Variants in DUSP22 observed in about 807,000 individuals in gnomAD.
The protein encoded by DUSP22 is dual specificity protein phosphatase 22.
A neutral mutation model predicts 24.5 loss-of-function variants in DUSP22; 24 were observed. That is an observed-to-expected ratio of 0.98 (90% CI 0.71 to 1.38). The LOEUF is 1.38. DUSP22 is among the 40% of genes most tolerant of loss of function. The pLI, the probability that DUSP22 is intolerant of heterozygous loss-of-function variation, is 0.00. For synonymous variants in DUSP22, 160 were observed against 106.4 expected (o/e 1.50, Z -3.10); for missense variants, 330 against 269.2 (o/e 1.23, Z -1.58).
intron 4 of DUSP22, among the ~76,000 whole-genome samples, chr6:341,458 C>T (rs546391009): frequency 2.6e-4 from 39 of 152,414 alleles, no homozygotes; most frequent in African/African-American, 9.4e-4. Context: ...CTGTCATCAG[C>T]TTCCCTGGAA....
chr6:349,063 G>C lies in DUSP22; in HGVS notation c.*112G>C, dbSNP rs1688870993. The C allele has an allele frequency of 1.2e-5, 18 of 1,483,924 alleles. No individual in the cohort carries two copies. Among genetic ancestry groups the C allele is most frequent in the Non-Finnish European group, 1.4e-5 (16 of 1,117,152 alleles). The allele number at this position is 1,483,924 out of a possible 1,614,324, so 91.9% of individuals were successfully genotyped here. ...CAGGAAAGGGAGATAGCCAGGGCGA[G>C]GTGGGGCGAGGGCTCCTTCCCCCAA... is the stretch of plus-strand genomic sequence containing the variant. On this transcript the variant is annotated 3_prime_UTR_variant, in exon 7 of 7. Transcript: ENST00000419235.
intron 4 of DUSP22, among the ~76,000 whole-genome samples, chr6:336,844 A>G (rs893924650): frequency 6.6e-6 from 1 of 152,310 alleles, no homozygotes. Flanking sequence ...GTTGGAAGGC[A>G]TGGTGCACAC....
At chr6:311,452 G>T (rs1021045457) in intron 2 of DUSP22, among the ~76,000 whole-genome samples, 2 of 152,288 alleles carry the variant, frequency 1.3e-5, no homozygotes, top group Admixed American at 1.3e-4. Context: ...AGGCCGAGGC[G>T]GGCGGCTCAC....
At chr6:334,289 T>C (rs377227573) in intron 3 of DUSP22, among the ~76,000 whole-genome samples, 3 of 152,300 alleles carry the variant, frequency 2.0e-5, no homozygotes, top group African/African-American at 4.8e-5. Flanking sequence ...CATCTAATTC[T>C]TCATCAGGCC....
At chr6:348,548 G>T (rs1345161645) in intron 6 of DUSP22, 2 of 879,598 alleles carry the variant, frequency 2.3e-6, no homozygotes, top group Non-Finnish European at 3.4e-6. Flanking sequence ...CCATTTCCTT[G>T]GTCTGGCCTA....
intron 3 of DUSP22, among the ~76,000 whole-genome samples, chr6:334,742 A>C (rs370984349): frequency 6.6e-6 from 1 of 152,308 alleles, no homozygotes; most frequent in African/African-American, 2.4e-5. Context: ...CTTTTTGAAC[A>C]TTCAGAATCC....
At chr6:337,450 C>T (rs1256240984) in intron 4 of DUSP22, among the ~76,000 whole-genome samples, 1 of 152,410 alleles carries the variant, frequency 6.6e-6, no homozygotes, top group African/African-American at 2.4e-5. Context: ...AGTTTTGGTG[C>T]CCAGGAAGCC....
At chr6:318,255 C>G (rs1043685087) in intron 3 of DUSP22, among the ~76,000 whole-genome samples, 6 of 152,304 alleles carry the variant, frequency 3.9e-5, no homozygotes, top group African/African-American at 1.4e-4. Context: ...ATCCAAGACA[C>G]AGACAGTGAC....
At chr6:324,451 A>G (rs558264474) in intron 3 of DUSP22, among the ~76,000 whole-genome samples, 1 of 152,424 alleles carries the variant, frequency 6.6e-6, no homozygotes, top group South Asian at 2.1e-4. Flanking sequence ...GCACGTCTCT[A>G]ATATTAACTT....
chr6:304,138 C>T (rs979780041), intron 1 of DUSP22, among the ~76,000 whole-genome samples: 9 of 152,298 alleles, frequency 5.9e-5, no homozygotes, highest in Non-Finnish European at 1.0e-4. Context: ...GTCATGCCCT[C>T]GCAGCAGCAT....
intron 3 of DUSP22, among the ~76,000 whole-genome samples, chr6:328,393 G>A (rs1035262609): frequency 1.3e-5 from 2 of 152,420 alleles, no homozygotes; most frequent in East Asian, 3.9e-4. Flanking sequence ...GCCCACTTTA[G>A]CCTTGCACTG....
intron 1 of DUSP22, among the ~76,000 whole-genome samples, chr6:302,323 C>T (rs867694555): frequency 7.2e-5 from 11 of 152,416 alleles, no homozygotes; most frequent in Middle Eastern, 3.4e-3. Context: ...TGGATAGTGG[C>T]CAGTGGCCAC....
intron 3 of DUSP22, among the ~76,000 whole-genome samples, chr6:327,403 G>T (rs1012493101): frequency 5.0e-4 from 76 of 152,290 alleles, no homozygotes; most frequent in Non-Finnish European, 7.9e-4. Flanking sequence ...TGGCCAGCCT[G>T]GGAGCAGTGC....
At chr6:292,633 C>T (rs1285053561) in intron 1 of DUSP22, 73 bp downstream of exon 1, 2 of 1,547,544 alleles carry the variant, frequency 1.3e-6, no homozygotes, top group Non-Finnish European at 1.7e-6. Context: ...CGTCGGCTGC[C>T]CGACGACTCG....
At chr6:303,616 G>A (rs1311484064) in intron 1 of DUSP22, among the ~76,000 whole-genome samples, 1 of 152,308 alleles carries the variant, frequency 6.6e-6, no homozygotes. Flanking sequence ...GACATCTAGG[G>A]ATCTGTGGTG....
In DUSP22 at chr6:349,168, G is replaced by A. The variant is rs1760048148; in HGVS notation, c.*217G>A. On this transcript the variant is annotated 3_prime_UTR_variant, in exon 7 of 7. Coordinates refer to ENST00000419235, the MANE Select transcript of DUSP22 (RefSeq NM_001286555.3). ...GCTGCACCTGAGCTTGCTGCCCCTGGGGATGTTGCCCAGTGGCTGTGCACT... is the reference window on the plus strand; with the variant it reads ...GCTGCACCTGAGCTTGCTGCCCCTGAGGATGTTGCCCAGTGGCTGTGCACT... The A allele has an allele frequency of 3.5e-6, 5 of 1,428,572 alleles. No individual in the cohort carries two copies. Among genetic ancestry groups the A allele is most frequent in the South Asian group, 1.5e-5 (1 of 66,962 alleles). The allele number at this position is 1,428,572 out of a possible 1,614,324, so 88.5% of individuals were successfully genotyped here.
intron 4 of DUSP22, among the ~76,000 whole-genome samples, chr6:335,476 C>A (rs781386512): frequency 2.6e-5 from 4 of 152,284 alleles, no homozygotes; most frequent in Admixed American, 2.0e-4. Flanking sequence ...GAAATAAAAC[C>A]GTGAAGGATT....
At chr6:329,489 A>G (rs536439888) in intron 3 of DUSP22, among the ~76,000 whole-genome samples, 6 of 152,412 alleles carry the variant, frequency 3.9e-5, no homozygotes, top group East Asian at 1.9e-4. Flanking sequence ...GAGTCTCGCT[A>G]TATCCCAGAC....
intron 1 of DUSP22, among the ~76,000 whole-genome samples, chr6:302,248 G>A (rs796946356): frequency 1.8e-4 from 28 of 152,410 alleles, no homozygotes; most frequent in African/African-American, 2.4e-4. Context: ...GCGTAAGATC[G>A]TCTTCCTCAC....
Sources: allele counts gnomAD v4.1 joint callset (sites outside exome capture counted in the v4.1 genomes callset), GRCh38; gene constraint gnomAD v4.1.1; transcripts MANE v1.5; gene names NCBI Gene and HGNC (gene_info 2026-07-23, HGNC 2026-07-21).